Variants in SLC39A11 observed in about 807,000 individuals in gnomAD.
The protein encoded by SLC39A11 is zinc transporter ZIP11.
Under a neutral mutation model 36.1 loss-of-function variants are expected in SLC39A11, and 33 were observed. That is an observed-to-expected ratio of 0.91 (90% confidence interval 0.69 to 1.22). The LOEUF (loss-of-function observed/expected upper bound fraction) is 1.22. Among genes scored for constraint, SLC39A11 ranks in the 50% most tolerant of loss-of-function variants. SLC39A11 has a pLI of 0.00. For missense variants in SLC39A11, 432 were observed against 430.3 expected, an observed-to-expected ratio of 1.00 and a Z score of -0.03; for synonymous variants, 166 against 170.3, an observed-to-expected ratio of 0.97 and a Z score of 0.20.
At chr17:72,660,781 G>C (rs2070376252) in intron 7 of SLC39A11, among the ~76,000 whole-genome samples, 1 of 152,066 alleles carries the variant, frequency 6.6e-6, no homozygotes, top group Non-Finnish European at 1.5e-5. Flanking sequence ...CCTTGTTGTG[G>C]GGGCCTGGTT....
intron 6 of SLC39A11, among the ~76,000 whole-genome samples, chr17:72,831,936 G>A (rs940013041): frequency 6.6e-6 from 1 of 152,152 alleles, no homozygotes; most frequent in African/African-American, 2.4e-5. Flanking sequence ...TAAAGACGCC[G>A]ATAGAACTAT....
intron 7 of SLC39A11, among the ~76,000 whole-genome samples, chr17:72,656,473 G>A (rs768310222): frequency 1.6e-4 from 24 of 152,124 alleles, no homozygotes; most frequent in Non-Finnish European, 1.8e-4. Flanking sequence ...AGGGGCATCC[G>A]TGTGTAGAGT....
intron 4 of SLC39A11, among the ~76,000 whole-genome samples, chr17:72,981,175 G>T (rs537028349): frequency 1.3e-5 from 2 of 151,968 alleles, no homozygotes; most frequent in Non-Finnish European, 2.9e-5. Context: ...CTTCAATAAG[G>T]TAAGCAATAT....
intron 4 of SLC39A11, among the ~76,000 whole-genome samples, chr17:72,956,430 C>T (rs2086252019): frequency 1.3e-5 from 2 of 152,196 alleles, no homozygotes; most frequent in Admixed American, 1.3e-4. Flanking sequence ...GCTTGTATTC[C>T]AAAGAGCTAG....
chr17:72,892,177 G>A (rs1263734417), intron 5 of SLC39A11, among the ~76,000 whole-genome samples: 2 of 152,144 alleles, frequency 1.3e-5, no homozygotes, highest in African/African-American at 4.8e-5. Flanking sequence ...GGAGGCCGAG[G>A]TGGGCAGATC....
intron 7 of SLC39A11, among the ~76,000 whole-genome samples, chr17:72,716,635 G>A (rs1210907476): frequency 6.6e-6 from 1 of 151,990 alleles, no homozygotes; most frequent in African/African-American, 2.4e-5. Context: ...AAGGGATGGG[G>A]AACACACATG....
At chr17:72,780,528 G>GGGGT (rs2076279051) in intron 6 of SLC39A11, among the ~76,000 whole-genome samples, 1 of 104,160 alleles carries the variant, frequency 9.6e-6, no homozygotes, top group Non-Finnish European at 1.8e-5. Context: ...GATGGGGGGC[G>GGGGT]GGTGGGGGCA....
intron 4 of SLC39A11, among the ~76,000 whole-genome samples, chr17:72,959,325 G>GTATATATATATATATATA (rs1186282631): frequency 3.1e-5 from 2 of 65,546 alleles, no homozygotes; most frequent in Admixed American, 1.9e-4. Context: ...GTGTGTGTGT[G>GTATATATATATATATATA]TATATATATA....
At chr17:73,002,596 G>C (rs567175004) in intron 4 of SLC39A11, among the ~76,000 whole-genome samples, 1 of 152,176 alleles carries the variant, frequency 6.6e-6, no homozygotes, top group Non-Finnish European at 1.5e-5. Flanking sequence ...ACAGAGCAGA[G>C]AGCAATGCCA....
At chr17:72,677,833 A>G (rs2071339379) in intron 7 of SLC39A11, among the ~76,000 whole-genome samples, 1 of 152,176 alleles carries the variant, frequency 6.6e-6, no homozygotes, top group Non-Finnish European at 1.5e-5. Flanking sequence ...AGGATAAAGA[A>G]AATGTGGTAC....
chr17:72,809,434 A>G (rs1211218100), intron 6 of SLC39A11, among the ~76,000 whole-genome samples: 1 of 152,166 alleles, frequency 6.6e-6, no homozygotes. Context: ...CTCTACTCCA[A>G]GTTTGGAGCC....
intron 7 of SLC39A11, among the ~76,000 whole-genome samples, chr17:72,656,158 A>C (rs527730150): frequency 6.6e-6 from 1 of 152,262 alleles, no homozygotes; most frequent in African/African-American, 2.4e-5. Context: ...GAAAATTCAA[A>C]ACAGCATTCA....
intron 6 of SLC39A11, among the ~76,000 whole-genome samples, chr17:72,809,507 C>G (rs1015260227): frequency 6.6e-6 from 1 of 152,084 alleles, no homozygotes; most frequent in African/African-American, 2.4e-5. Flanking sequence ...TCGTGGCTTC[C>G]CTTTTGCAAT....
At chr17:72,995,599 A>AC (rs1325567564) in intron 4 of SLC39A11, among the ~76,000 whole-genome samples, 1 of 152,210 alleles carries the variant, frequency 6.6e-6, no homozygotes, top group African/African-American at 2.4e-5. Flanking sequence ...CCTGAATAGA[A>AC]CAAAAAGGTG....
In SLC39A11 at chr17:72,985,121, C is replaced by T. The variant is rs186304667; in HGVS notation, c.307-37246G>A. On this transcript the variant is annotated intron_variant, in intron 4 of 9. Transcript: ENST00000255559. ...CACCTCCCTAGGAATGTGCACACTC[C>T]ACGTGGCTGACGCCACTCCACAAGG... Among the ~76,000 whole-genome samples the T allele has an allele frequency of 3.6e-3, 549 of 152,256 alleles. 6 individuals are homozygous for T. Among genetic ancestry groups the T allele is most frequent in the African/African-American group, 0.011 (471 of 41,564 alleles).
intron 6 of SLC39A11, among the ~76,000 whole-genome samples, chr17:72,843,371 A>G (rs1043238604): frequency 3.9e-5 from 6 of 152,162 alleles, no homozygotes; most frequent in Non-Finnish European, 5.9e-5. Flanking sequence ...CCCAGAATTC[A>G]TATTTGGAAA....
intron 6 of SLC39A11, among the ~76,000 whole-genome samples, chr17:72,756,922 G>A (rs1054125111): frequency 2.0e-5 from 3 of 151,750 alleles, no homozygotes; most frequent in African/African-American, 7.3e-5. Flanking sequence ...GACCGAGGCA[G>A]GTGGATCACG....
In SLC39A11 at chr17:72,959,156, C is replaced by T. The variant is rs546913103; in HGVS notation, c.307-11281G>A. On this transcript the variant is annotated intron_variant, in intron 4 of 9. Coordinates refer to ENST00000255559, the MANE Select transcript of SLC39A11 (RefSeq NM_139177.4). The stretch of plus-strand genomic sequence containing the variant: ...ACAAATACCATTTGATCCAGCAATC[C>T]TACTACTGGGTATCTAGCCAGAGGA... Among the ~76,000 whole-genome samples, 8 of 151,584 alleles carry T rather than the reference C, an allele frequency of 5.3e-5. No individual in the cohort carries two copies. In the East Asian group the frequency reaches 1.5e-3, roughly 29 times the overall value.
At chr17:73,087,540 G>A (rs891594242) in intron 2 of SLC39A11, among the ~76,000 whole-genome samples, 3 of 152,188 alleles carry the variant, frequency 2.0e-5, no homozygotes, top group African/African-American at 7.2e-5. Context: ...TGCGGACTGA[G>A]GGTGATCTGG....
Sources: gnomAD v4.1 joint callset for allele counts (sites outside exome capture counted in the v4.1 genomes callset) on GRCh38, gnomAD v4.1.1 for gene constraint, MANE v1.5 for transcripts, NCBI Gene and HGNC (gene_info 2026-07-23, HGNC 2026-07-21) for gene names.